Variants in HK1 observed in about 807,000 individuals in gnomAD.
HK1 encodes hexokinase-1.
A neutral mutation model predicts 91.6 loss-of-function variants in HK1; 28 were observed. That is an observed-to-expected ratio of 0.31 (90% confidence interval 0.23 to 0.42). The LOEUF is 0.42. Ranked by LOEUF, HK1 falls within the 10% of genes least tolerant of loss-of-function variation. The probability of loss-of-function intolerance (pLI) is 1.00; values close to 1 mark genes in which losing one functional copy is unlikely to be tolerated. For synonymous variants in HK1, 430 were observed against 468.1 expected, an observed-to-expected ratio of 0.92 and a Z score of 1.05; for missense variants, 770 against 1,219.8, an observed-to-expected ratio of 0.63 and a Z score of 5.49.
intron 1 of HK1, among the ~76,000 whole-genome samples, chr10:69,270,288 T>C (rs1844090580): frequency 6.6e-6 from 1 of 152,092 alleles, no homozygotes; most frequent in African/African-American, 2.4e-5. Context: ...CTTTTCCTTC[T>C]AAGCATCTTT....
Position 69,401,109 on chromosome 10 carries a change from C to T in HK1, c.2728C>T (p.Arg910Trp), listed in dbSNP as rs867948527. Residue 910 changes from arginine to tryptophan, a missense_variant, in exon 18 of 18, where the codon CGG becomes TGG. By Grantham distance (101) the Arg-to-Trp change is moderately radical. Coordinates refer to ENST00000359426, the MANE Select transcript of HK1 (RefSeq NM_000188.3). ...CGCCCTCATCACGGCCGTGGGCGTG[C>T]GGTTACGCACAGAGGCAAGCAGCTA... Reference protein sequence around the residue: ...GAALITAVGVRLRTEASS With the variant: ...GAALITAVGVWLRTEASS The T allele has an allele frequency of 1.1e-5, 17 of 1,613,890 alleles. No individual in the cohort carries two copies. The highest frequency in any genetic ancestry group is 8.9e-5 in the East Asian group (4 of 44,894).
intron 1 of HK1, among the ~76,000 whole-genome samples, chr10:69,274,826 C>T (rs1175190462): frequency 6.6e-6 from 1 of 152,116 alleles, no homozygotes; most frequent in Admixed American, 6.6e-5. Flanking sequence ...TCTACTCTGT[C>T]TAGCCAGCTC....
chr10:69,379,649 G>C (rs141637055), intron 8 of HK1, among the ~76,000 whole-genome samples: 1 of 152,238 alleles, frequency 6.6e-6, no homozygotes, highest in African/African-American at 2.4e-5. Flanking sequence ...AGTGCAACCT[G>C]GTACAGTTTT....
At chr10:69,339,586 G>T (rs911866598) in intron 1 of HK1, among the ~76,000 whole-genome samples, 1 of 152,194 alleles carries the variant, frequency 6.6e-6, no homozygotes, top group African/African-American at 2.4e-5. Context: ...CCTGCTTTTT[G>T]ATTTGAGCTT....
chr10:69,277,034 T>C (rs1299503860), intron 1 of HK1, among the ~76,000 whole-genome samples: 3 of 152,128 alleles, frequency 2.0e-5, no homozygotes, highest in African/African-American at 7.2e-5. Context: ...TCTAAGTGTT[T>C]TGACGGAGAG....
intron 16 of HK1, among the ~76,000 whole-genome samples, chr10:69,396,316 T>A (rs1589591555): frequency 6.6e-6 from 1 of 151,190 alleles, no homozygotes; most frequent in Non-Finnish European, 1.5e-5. Context: ...ATATTAAACC[T>A]TAAACAAAAA....
At chr10:69,371,315 T>A (rs1315256212) in intron 7 of HK1, among the ~76,000 whole-genome samples, 1 of 144,400 alleles carries the variant, frequency 6.9e-6, no homozygotes, top group African/African-American at 2.7e-5. Flanking sequence ...TTTTTTACCA[T>A]ACCCCCCCCC....
chr10:69,338,823 G>A, intron 1 of HK1: 2 of 590,310 alleles, frequency 3.4e-6, no homozygotes, highest in South Asian at 2.3e-5. Context: ...GGAAGGAGGA[G>A]AGTAAAGATC....
intron 10 of HK1, among the ~76,000 whole-genome samples, chr10:69,383,062 G>A (rs1170895621): frequency 6.6e-6 from 1 of 152,134 alleles, no homozygotes; most frequent in Non-Finnish European, 1.5e-5. Context: ...TCTTAGCTGG[G>A]CAAGGTGACA....
chr10:69,337,062 A>G (rs939130790), intron 1 of HK1, among the ~76,000 whole-genome samples: 6 of 152,118 alleles, frequency 3.9e-5, no homozygotes, highest in African/African-American at 1.4e-4. Context: ...GCACATTAAA[A>G]TCCTCCCCAT....
chr10:69,273,798 G>A (rs1241230814), intron 1 of HK1, among the ~76,000 whole-genome samples: 2 of 152,078 alleles, frequency 1.3e-5, no homozygotes, highest in African/African-American at 4.8e-5. Context: ...TCCTTTTTTA[G>A]AGATTTAATT....
chr10:69,305,802 G>A (rs1846073959), intron 5 of HK1, among the ~76,000 whole-genome samples: 2 of 151,452 alleles, frequency 1.3e-5, no homozygotes, highest in Non-Finnish European at 2.9e-5. Flanking sequence ...GCAGTGAGCC[G>A]AGATGATGCC....
chr10:69,273,289 A>G (rs768655371), intron 1 of HK1, among the ~76,000 whole-genome samples: 1 of 151,954 alleles, frequency 6.6e-6, no homozygotes, highest in Non-Finnish European at 1.5e-5. Flanking sequence ...GATCTTGGCT[A>G]ACTGCAGGCT....
chr10:69,306,682 C>T (rs1846124273), intron 5 of HK1, among the ~76,000 whole-genome samples: 1 of 152,228 alleles, frequency 6.6e-6, no homozygotes, highest in Admixed American at 6.5e-5. Context: ...ACTTCTAGTC[C>T]AGTCCTTGTC....
Position 69,389,289 on chromosome 10 carries a change from CATT to C in HK1, c.2029_2031del (p.Ile677del), listed in dbSNP as rs772922303. On this transcript the variant is annotated inframe_deletion, in exon 14 of 18. Transcript: ENST00000359426. Reference sequence around the variant, plus strand: ...AGGAGCCCACCTGTGAGGTTGGACTCATTGTTGGTGAGTGTCCTGGAAGGTCTC... The same window carrying C: ...AGGAGCCCACCTGTGAGGTTGGACTCGTTGGTGAGTGTCCTGGAAGGTCTC... 2.5e-6 allele frequency: 4 copies of C among 1,607,432 alleles called. No homozygotes were observed. Among genetic ancestry groups the C allele is most frequent in the African/African-American group, 2.7e-5 (2 of 74,812 alleles).
intron 10 of HK1, among the ~76,000 whole-genome samples, chr10:69,383,297 A>T (rs1257350829): frequency 6.6e-6 from 1 of 152,252 alleles, no homozygotes. Context: ...CCCTTCTTAA[A>T]TCTTGATAGA....
chr10:69,321,758 G>A (rs1023966975), intron 1 of HK1, among the ~76,000 whole-genome samples: 4 of 152,116 alleles, frequency 2.6e-5, no homozygotes, highest in African/African-American at 9.7e-5. Flanking sequence ...ATATATCCTG[G>A]GTTGAAACAG....
chr10:69,400,216 C>T (rs1037949128), intron 17 of HK1, among the ~76,000 whole-genome samples: 8 of 152,186 alleles, frequency 5.3e-5, no homozygotes, highest in African/African-American at 1.7e-4. Flanking sequence ...CTCAAGTGAT[C>T]CTCCCACCTT....
At chr10:69,295,515 T>C in intron 3 of HK1, 1 of 744,040 alleles carries the variant, frequency 1.3e-6, no homozygotes. Flanking sequence ...ATTCCAAGGT[T>C]ACTTGTAATT....
Sources: allele counts gnomAD v4.1 joint callset (sites outside exome capture counted in the v4.1 genomes callset), GRCh38; gene constraint gnomAD v4.1.1; transcripts MANE v1.5; gene names NCBI Gene and HGNC (gene_info 2026-07-23, HGNC 2026-07-21).